TRHDE: variants seen among roughly 807,000 people sequenced by gnomAD.
The protein encoded by TRHDE is thyrotropin releasing hormone degrading enzyme, also known as thyrotropin-releasing hormone-degrading ectoenzyme.
TRHDE carries 72 observed loss-of-function variants against 125.7 expected under a neutral mutation model. The observed-to-expected ratio is 0.57, with a 90% CI of 0.47 to 0.70. The LOEUF (loss-of-function observed/expected upper bound fraction) is 0.70. Among genes scored for constraint, TRHDE ranks in the 30% least tolerant of loss-of-function variants. TRHDE has a pLI of 0.00. For synonymous variants in TRHDE, 509 were observed against 509.1 expected, an observed-to-expected ratio of 1.00 and a Z score of 0.00; for missense variants, 1,110 against 1,327.1, an observed-to-expected ratio of 0.84 and a Z score of 2.54.
At chr12:72,516,538 C>G (rs1305281852) in intron 6 of TRHDE, among the ~76,000 whole-genome samples, 1 of 151,972 alleles carries the variant, frequency 6.6e-6, no homozygotes, top group Non-Finnish European at 1.5e-5. Context: ...CTTAAGGAGA[C>G]TTTGGGCTGA....
intron 2 of TRHDE, among the ~76,000 whole-genome samples, chr12:72,175,006 C>T (rs1201065008): frequency 6.6e-6 from 1 of 151,614 alleles, no homozygotes; most frequent in Non-Finnish European, 1.5e-5. Flanking sequence ...GGTAAGAACA[C>T]AACCTGAGAT....
chr12:72,567,676 A>C (rs528240686), intron 9 of TRHDE, among the ~76,000 whole-genome samples: 5 of 152,144 alleles, frequency 3.3e-5, no homozygotes, highest in African/African-American at 1.2e-4. Context: ...AAACAGAAAA[A>C]TATTTTTTCC....
At chr12:72,362,314 T>C (rs1459891950) in intron 2 of TRHDE, among the ~76,000 whole-genome samples, 1 of 150,578 alleles carries the variant, frequency 6.6e-6, no homozygotes, top group African/African-American at 2.4e-5. Context: ...TGATGGCCAG[T>C]GATGGTGAGC....
At chr12:72,599,579 T>C (rs1201454739) in intron 12 of TRHDE, among the ~76,000 whole-genome samples, 1 of 152,058 alleles carries the variant, frequency 6.6e-6, no homozygotes, top group East Asian at 1.9e-4. Flanking sequence ...TGGTTTTTGC[T>C]TAACTATTTA....
intron 2 of TRHDE, among the ~76,000 whole-genome samples, chr12:72,305,552 C>A (rs1868327688): frequency 6.6e-6 from 1 of 152,194 alleles, no homozygotes; most frequent in Non-Finnish European, 1.5e-5. Context: ...CAGGTTCTAG[C>A]ATTTTCAATA....
intron 2 of TRHDE, 134 bp from the exon 3 acceptor site, chr12:72,377,861 G>A: frequency 1.8e-6 from 1 of 566,838 alleles, no homozygotes; most frequent in South Asian, 4.1e-5. Context: ...ACTGTGCTTT[G>A]ATATAGTGTA....
intron 2 of TRHDE, among the ~76,000 whole-genome samples, chr12:72,303,524 C>T (rs1868293126): frequency 6.6e-6 from 1 of 152,048 alleles, no homozygotes; most frequent in South Asian, 2.1e-4. Flanking sequence ...TCAAAATTCA[C>T]ATTTGTGAAC....
intron 2 of TRHDE, among the ~76,000 whole-genome samples, chr12:72,231,822 G>A (rs1878252112): frequency 6.6e-6 from 1 of 152,172 alleles, no homozygotes; most frequent in African/African-American, 2.4e-5. Flanking sequence ...GACAAGGGGT[G>A]ATGGTTGTAT....
chr12:72,451,700 A>AC (rs1053645736), intron 3 of TRHDE, among the ~76,000 whole-genome samples: 1 of 152,212 alleles, frequency 6.6e-6, no homozygotes, highest in African/African-American at 2.4e-5. Context: ...GACAGGAATT[A>AC]CATTGAATAT....
chr12:72,187,453 G>GGTGGTGGTGGTGGTGGTTGTGGTC (rs1271284317), intron 2 of TRHDE, among the ~76,000 whole-genome samples: 2 of 147,902 alleles, frequency 1.4e-5, no homozygotes, highest in South Asian at 4.5e-4. Context: ...GGGGGGTGGT[G>GGTGGTGGTGGTGGTGGTTGTGGTC]GTGGTGGTGG....
intron 2 of TRHDE, among the ~76,000 whole-genome samples, chr12:72,223,604 A>C (rs1878042960): frequency 6.6e-6 from 1 of 152,016 alleles, no homozygotes; most frequent in Admixed American, 6.6e-5. Context: ...CAAATTACAG[A>C]CCTGTTAATG....
intron 2 of TRHDE, among the ~76,000 whole-genome samples, chr12:72,374,768 G>A (rs1232152405): frequency 6.6e-6 from 1 of 152,112 alleles, no homozygotes; most frequent in African/African-American, 2.4e-5. Flanking sequence ...GGCCATTAGT[G>A]ATCTTTAGGT....
At chr12:72,520,564 C>CT in intron 6 of TRHDE, among the ~76,000 whole-genome samples, 1 of 152,098 alleles carries the variant, frequency 6.6e-6, no homozygotes, top group Non-Finnish European at 1.5e-5. Context: ...TGAGATGAAC[C>CT]CGGTACCTCA....
In TRHDE at chr12:72,649,306, T is replaced by C. The variant is rs185940676; in HGVS notation, c.2676-3016T>C. Among the ~76,000 whole-genome samples the C allele has an allele frequency of 3.3e-3, 497 of 151,552 alleles. 3 individuals are homozygous for C. Among genetic ancestry groups the C allele is most frequent in the African/African-American group, 0.011 (451 of 41,392 alleles). ...AAAAGATAAAAAAAAAAAGATAGTG[T>C]TTTCAACAAATTGTGCTGGGAAAAC... On this transcript the variant is annotated intron_variant, in intron 15 of 18. Transcript: ENST00000261180.
intron 15 of TRHDE, among the ~76,000 whole-genome samples, chr12:72,630,288 A>C (rs1186104450): frequency 6.6e-6 from 1 of 151,768 alleles, no homozygotes; most frequent in East Asian, 1.9e-4. Context: ...CGAAATCTCT[A>C]AATCTGGTGA....
At chr12:72,161,348 G>T (rs981569074) in intron 2 of TRHDE, among the ~76,000 whole-genome samples, 1 of 151,366 alleles carries the variant, frequency 6.6e-6, no homozygotes, top group Non-Finnish European at 1.5e-5. Flanking sequence ...CAGGAGAATC[G>T]CTTGAACTCG....
At chr12:72,598,417 A>G (rs938954923) in intron 12 of TRHDE, among the ~76,000 whole-genome samples, 3 of 152,218 alleles carry the variant, frequency 2.0e-5, no homozygotes, top group Non-Finnish European at 4.4e-5. Context: ...CAAACTGGGA[A>G]TTTAAATGCT....
chr12:72,615,151 T>A (rs185242011), intron 12 of TRHDE, among the ~76,000 whole-genome samples: 7 of 152,224 alleles, frequency 4.6e-5, no homozygotes, highest in Admixed American at 1.3e-4. Flanking sequence ...CCAAATCATC[T>A]CTTATGCTCA....
intron 6 of TRHDE, among the ~76,000 whole-genome samples, chr12:72,517,543 T>A (rs1878940793): frequency 6.6e-6 from 1 of 152,200 alleles, no homozygotes; most frequent in Admixed American, 6.5e-5. Flanking sequence ...CTTTTTTTCT[T>A]TATTAGTCTT....
Sources: allele counts gnomAD v4.1 joint callset (sites outside exome capture counted in the v4.1 genomes callset), GRCh38; gene constraint gnomAD v4.1.1; transcripts MANE v1.5; gene names NCBI Gene and HGNC (gene_info 2026-07-23, HGNC 2026-07-21).